MGST1: variants seen among roughly 807,000 people sequenced by gnomAD.
MGST1 encodes the protein glutathione S-transferase 12.
MGST1 carries 5 observed loss-of-function variants against 8.9 expected under a neutral mutation model. The ratio of observed to expected loss-of-function variants is 0.56; its 90% confidence interval spans 0.29 to 1.19. MGST1 has a LOEUF of 1.19. MGST1 is among the 50% of genes most tolerant of loss of function. The pLI, the probability that MGST1 is intolerant of heterozygous loss-of-function variation, is 0.08. For synonymous variants in MGST1, 54 were observed against 67.8 expected (o/e 0.80, Z 1.00); for missense variants, 182 against 187.4 (o/e 0.97, Z 0.17).
intron 4 of MGST1, among the ~76,000 whole-genome samples, chr12:16,448,109 T>G (rs769088203): frequency 6.6e-6 from 1 of 151,848 alleles, no homozygotes; most frequent in Non-Finnish European, 1.5e-5. Context: ...ATGTTAAACA[T>G]TTTAAATTTT....
Position 16,417,355 on chromosome 12 carries a change from A to T in MGST1, n.779-20033A>T, listed in dbSNP as rs565753887. On this transcript the variant is annotated intron_variant and non_coding_transcript_variant, in intron 1 of 1. Coordinates refer to the MGST1 transcript ENST00000359720. ...GCAGCATGGGGGAACTGCCTCCATG[A>T]TCTAATCACCTCCCATGAAGTCCCT... Among the ~76,000 whole-genome samples, 7 of 152,266 alleles carry T rather than the reference A, an allele frequency of 4.6e-5. No individual in the cohort carries two copies. The East Asian group carries it at 1.2e-3, about 25-fold the overall frequency.
At chr12:16,382,922 C>G (rs772863464) in exon 1 of MGST1, 2 of 153,144 alleles carry the variant, frequency 1.3e-5, no homozygotes, top group East Asian at 1.9e-4. Flanking sequence ...AGCGAGACTC[C>G]GTGGGCATGG....
intron 1 of MGST1, among the ~76,000 whole-genome samples, chr12:16,351,034 A>G (rs1019174153): frequency 3.9e-5 from 6 of 152,110 alleles, no homozygotes; most frequent in African/African-American, 1.2e-4. Context: ...CTGATTTTCA[A>G]TGAGGGGGAA....
rs1039649458 is a variant in MGST1, at chr12:16,389,049, C to T, written n.778+5445C>T. ...ACCTTCTTGGGGAAATTAAGTTAAT[C>T]TTGTAAAGTGCCACTTTGCGTATCT... is the stretch of plus-strand genomic sequence containing the variant. On this transcript the variant is annotated intron_variant and non_coding_transcript_variant, in intron 1 of 1. Transcript: ENST00000359720. The surrounding 1 kb of genome is among the most constrained non-coding windows in gnomAD (Gnocchi z 4.6). 6.6e-6 allele frequency among the ~76,000 whole-genome samples: 1 copy of T among 152,198 alleles called. No individual in the cohort carries two copies. The highest frequency in any genetic ancestry group is 1.5e-5 in the Non-Finnish European group (1 of 68,036).
At position 16,434,977 on chromosome 12, in the gene MGST1, T is replaced by C. The variant is rs1026292562; in HGVS notation, n.779-2411T>C. Among the ~76,000 whole-genome samples the C allele has an allele frequency of 9.3e-4, 141 of 152,066 alleles. 10 individuals are homozygous for C. Among genetic ancestry groups the C allele is most frequent in the Admixed American group, 6.6e-5 (1 of 15,248 alleles). On this transcript the variant is annotated intron_variant and non_coding_transcript_variant, in intron 1 of 1. Transcript: ENST00000359720. ...ACTTAACCTGGCAGGTTTGTGTAACTCTTTCATTGCTAATTTTACATTTAT... is the reference window on the plus strand; with the variant it reads ...ACTTAACCTGGCAGGTTTGTGTAACCCTTTCATTGCTAATTTTACATTTAT...
downstream of MGST1, among the ~76,000 whole-genome samples, chr12:16,379,959 T>C (rs1018436329): frequency 5.9e-5 from 9 of 152,228 alleles, no homozygotes; most frequent in Non-Finnish European, 1.0e-4. Context: ...TATTCTCTGA[T>C]GGTAGTTTGT....
chr12:16,440,082 C>A (rs1474858848), downstream of MGST1, among the ~76,000 whole-genome samples: 1 of 151,782 alleles, frequency 6.6e-6, no homozygotes, highest in African/African-American at 2.4e-5. Flanking sequence ...GCTGTCTTCT[C>A]AACTCAACCA....
At chr12:16,355,204 C>CTTTTTTTTT (rs5796668) in intron 2 of MGST1, among the ~76,000 whole-genome samples, 1 of 125,200 alleles carries the variant, frequency 8.0e-6, no homozygotes, top group African/African-American at 3.1e-5. Context: ...TTCCTTGTTA[C>CTTTTTTTTT]TTTTTTTTTT....
At chr12:16,457,400 A>G (rs1194192643) in intron 4 of MGST1, among the ~76,000 whole-genome samples, 2 of 151,952 alleles carry the variant, frequency 1.3e-5, no homozygotes, top group Non-Finnish European at 2.9e-5. Context: ...TGGCCTAAAT[A>G]CCCTAGTTTA....
In MGST1 at chr12:16,575,738, T is replaced by C. The variant is rs373305704; in HGVS notation, n.483-13790T>C. On this transcript the variant is annotated intron_variant and non_coding_transcript_variant, in intron 4 of 4. Coordinates refer to the MGST1 transcript ENST00000538857. ...TGTCAAGAGAACAACAGAAGGAGCC[T>C]CAGAGGCTATTCACTACTACCTCTT... is the stretch of plus-strand genomic sequence containing the variant. Among the ~76,000 whole-genome samples the C allele has an allele frequency of 3.7e-4, 56 of 152,274 alleles. No homozygotes were observed. In the South Asian group the frequency reaches 7.7e-3, roughly 21 times the overall value.
rs1942173864 is a variant in MGST1 at position 16,555,956 on chromosome 12, T to G, written n.483-33572T>G. On this transcript the variant is annotated intron_variant and non_coding_transcript_variant, in intron 4 of 4. Coordinates refer to the MGST1 transcript ENST00000538857. The surrounding 1 kb of genome is among the most constrained non-coding windows in gnomAD (Gnocchi z 5.5). ...CACTTCAAGAAGGATGGCTCTCTCT[T>G]CCCTCAGTATAGCTCTATTTAGCAT... Among the ~76,000 whole-genome samples the G allele has an allele frequency of 6.6e-6, 1 of 152,144 alleles. No individual in the cohort carries two copies. The highest frequency in any genetic ancestry group is 1.5e-5 in the Non-Finnish European group (1 of 68,024).
At chr12:16,416,325 A>G (rs891768387) in intron 1 of MGST1, among the ~76,000 whole-genome samples, 2 of 152,226 alleles carry the variant, frequency 1.3e-5, no homozygotes, top group Non-Finnish European at 2.9e-5. Context: ...AGTAAGGGTC[A>G]GATTCAGCCT....
chr12:16,478,186 C>T (rs1207140248), intron 4 of MGST1, among the ~76,000 whole-genome samples: 18 of 152,082 alleles, frequency 1.2e-4, no homozygotes, highest in South Asian at 2.1e-4. Flanking sequence ...CGTGCCACCA[C>T]GCCCAGCTAA....
At chr12:16,400,257 G>C (rs1435502513) in intron 1 of MGST1, 7 of 831,500 alleles carry the variant, frequency 8.4e-6, no homozygotes, top group Non-Finnish European at 1.3e-5. Flanking sequence ...TGGCATTCTT[G>C]AGGTGAAAAT....
At chr12:16,376,202 A>C (rs1434827796) in exon 4 of MGST1, 1 of 863,444 alleles carries the variant, frequency 1.2e-6, no homozygotes, top group Non-Finnish European at 1.8e-6. Flanking sequence ...ATGAAGAAGA[A>C]ATGTTTCCTT....
Position 16,450,595 on chromosome 12 carries a change from C to T in MGST1, n.482+66991C>T, listed in dbSNP as rs527747118. On this transcript the variant is annotated intron_variant and non_coding_transcript_variant, in intron 4 of 4. Coordinates refer to the MGST1 transcript ENST00000538857. ...GCTTGCAAAATCCAACTCAGAATCG[C>T]ACTAGTGTATTAATGAGACAAGTTA... is the stretch of plus-strand genomic sequence containing the variant. 6.6e-5 allele frequency among the ~76,000 whole-genome samples: 10 copies of T among 151,994 alleles called. No individual in the cohort carries two copies. The South Asian group carries it at 1.9e-3, about 28-fold the overall frequency.
intron 4 of MGST1, among the ~76,000 whole-genome samples, chr12:16,502,059 T>C (rs973018012): frequency 6.6e-6 from 1 of 152,114 alleles, no homozygotes; most frequent in Non-Finnish European, 1.5e-5. Context: ...TCCGAACAAA[T>C]AAAAACCATG....
chr12:16,447,965 C>G (rs1056832674), intron 4 of MGST1, among the ~76,000 whole-genome samples: 11 of 151,878 alleles, frequency 7.2e-5, no homozygotes, highest in Admixed American at 1.3e-4. Flanking sequence ...TGAGATGCAT[C>G]TGGACATCTT....
At chr12:16,357,195 A>G (rs1224485086) in intron 2 of MGST1, among the ~76,000 whole-genome samples, 2 of 152,158 alleles carry the variant, frequency 1.3e-5, no homozygotes, top group African/African-American at 4.8e-5. Context: ...CTGGATGTCT[A>G]TATTTCTTCC....
Sources: gnomAD v4.1 joint callset for allele counts (sites outside exome capture counted in the v4.1 genomes callset) on GRCh38, gnomAD v4.1.1 for gene constraint, Gnocchi (gnomAD v3.1) non-coding constraint, MANE v1.5 for transcripts, NCBI Gene and HGNC (gene_info 2026-07-23, HGNC 2026-07-21) for gene names.